The following FANCD2 variants were observed in gnomAD, a reference collection of about 807,000 sequenced individuals.
The protein encoded by FANCD2 is FA complementation group D2, also known as Fanconi anemia group D2 protein.
Under a neutral mutation model 192.3 loss-of-function variants are expected in FANCD2, and 131 were observed. The observed-to-expected ratio is 0.68, with a 90% confidence interval of 0.59 to 0.79. The LOEUF (loss-of-function observed/expected upper bound fraction) is 0.79, where lower values mean the gene tolerates loss of function less well. Ranked by LOEUF, FANCD2 falls within the 30% of genes least tolerant of loss-of-function variation. FANCD2 has a pLI of 0.00. For missense variants in FANCD2, 1,508 were observed against 1,701.6 expected (o/e 0.89, Z 2.00); for synonymous variants, 524 against 612.5 (o/e 0.86, Z 2.13).
At chr3:10,027,515 C>G (rs2086481112) in intron 1 of FANCD2, among the ~76,000 whole-genome samples, 1 of 152,196 alleles carries the variant, frequency 6.6e-6, no homozygotes, top group South Asian at 2.1e-4. Flanking sequence ...TCCACATCTC[C>G]TTGTTTCAGT....
At position 10,033,136 on chromosome 3, in the gene FANCD2, C is replaced by T. The variant is rs566646823; in HGVS notation, c.205+164C>T. Among the ~76,000 whole-genome samples, 39 of 152,246 alleles carry T rather than the reference C, an allele frequency of 2.6e-4. 1 individual carries two copies. The South Asian group carries it at 6.4e-3, about 25-fold the overall frequency. The stretch of plus-strand genomic sequence containing the variant: ...TAGAAAATGGTACAGTCAGGCCGGG[C>T]GCGGTGGCTCACGTTTATCATCCCA... On this transcript the variant is annotated intron_variant, in intron 3 of 43. Transcript: ENST00000675286.
intron 12 of FANCD2, 75 bp downstream of exon 12, chr3:10,043,225 T>G: frequency 9.5e-7 from 1 of 1,050,276 alleles, no homozygotes; most frequent in Admixed American, 1.8e-5. Context: ...TTAATACTAC[T>G]ACAAATAATG....
At chr3:10,047,777 A>C (rs2087066943) in intron 15 of FANCD2, 140 bp from the exon 16 acceptor site, 1 of 976,514 alleles carries the variant, frequency 1.0e-6, no homozygotes, top group South Asian at 1.3e-5. Flanking sequence ...TTTTTGTGTA[A>C]AACAAAGATT....
chr3:10,092,622 G>A (rs536398064), intron 38 of FANCD2, among the ~76,000 whole-genome samples: 4 of 149,000 alleles, frequency 2.7e-5, no homozygotes, highest in African/African-American at 5.0e-5. Context: ...CCACTCCATC[G>A]TGGTTTTGCT....
At chr3:10,059,195 A>T (rs565629003) in intron 18 of FANCD2, among the ~76,000 whole-genome samples, 2 of 151,846 alleles carry the variant, frequency 1.3e-5, no homozygotes, top group South Asian at 4.2e-4. Context: ...TGTATTTTCT[A>T]TAGAGATGAG....
chr3:10,073,485 T>C (rs1437090688), intron 28 of FANCD2, 123 bp downstream of exon 28: 3 of 827,220 alleles, frequency 3.6e-6, no homozygotes, highest in Non-Finnish European at 6.4e-6. Flanking sequence ...CAAAACTCTC[T>C]TAGGCGTTGG....
intron 18 of FANCD2, among the ~76,000 whole-genome samples, chr3:10,054,941 A>C (rs2087365292): frequency 6.6e-6 from 1 of 151,842 alleles, no homozygotes; most frequent in Non-Finnish European, 1.5e-5. Context: ...AATAACTCTC[A>C]CTTCTCAGTT....
chr3:10,098,371 G>A (rs900805412), intron 42 of FANCD2, among the ~76,000 whole-genome samples: 1 of 152,128 alleles, frequency 6.6e-6, no homozygotes, highest in African/African-American at 2.4e-5. Context: ...TTCGTGCTTG[G>A]TGTGATAGTG....
In FANCD2 at chr3:10,101,474, C is replaced by G; in HGVS notation, c.*212C>G. ...AATCTTGGCTCACTGCAACCTCCAT[C>G]TCCTAGGTTCAAGCGATTCTCCTGC... On this transcript the variant is annotated 3_prime_UTR_variant, in exon 44 of 44. Transcript: ENST00000675286. 1.9e-6 allele frequency: 1 copy of G among 514,674 alleles called. No individual in the cohort carries two copies. The highest frequency in any genetic ancestry group is 2.1e-5 in the South Asian group (1 of 47,678). 31.9% of individuals were successfully genotyped at this position (514,674 alleles called of 1,614,324 possible). A position where few individuals can be genotyped will look rare whatever the true frequency, so the allele number is the denominator to read the frequency against.
intron 18 of FANCD2, among the ~76,000 whole-genome samples, chr3:10,055,736 C>T (rs553221389): frequency 7.3e-5 from 11 of 151,718 alleles, no homozygotes; most frequent in East Asian, 5.8e-4. Flanking sequence ...GGCGTGAACC[C>T]GGGATACGGA....
chr3:10,091,401 G>A (rs1490881496), intron 37 of FANCD2, among the ~76,000 whole-genome samples: 4 of 149,224 alleles, frequency 2.7e-5, no homozygotes, highest in Non-Finnish European at 5.9e-5. Flanking sequence ...CAGCCCAGAA[G>A]GCAAAGGCTG....
At chr3:10,100,207 G>A in intron 43 of FANCD2, among the ~76,000 whole-genome samples, 1 of 152,118 alleles carries the variant, frequency 6.6e-6, no homozygotes, top group East Asian at 1.9e-4. Flanking sequence ...TTATTTACAT[G>A]GTCCCCAGTT....
At position 10,032,951 on chromosome 3, in the gene FANCD2, GGA is replaced by G; in HGVS notation, c.190_191del (p.Gln65GlufsTer33). The G allele has an allele frequency of 6.3e-7, 1 of 1,588,526 alleles. No individual in the cohort carries two copies. Among genetic ancestry groups the G allele is most frequent in the Non-Finnish European group, 8.6e-7 (1 of 1,157,016 alleles). On this transcript the variant is annotated frameshift_variant, in exon 3 of 44. Coordinates refer to ENST00000675286, the MANE Select transcript of FANCD2 (RefSeq NM_001018115.3). LOFTEE classifies it high-confidence loss of function. ...GATATCAGGAATTATTCTTAAAACG[GGA>G]GAGAGTCAGAATCAACTAGGTAATA... ...LKISGIILKT[G>X]ESQNQLAVDQ...
chr3:10,083,840 A>T (rs1471909867), intron 32 of FANCD2: 6 of 141,400 alleles, frequency 4.2e-5, no homozygotes, highest in African/African-American at 1.6e-4. Flanking sequence ...GTGAGCCGAG[A>T]TCCCACCACT....
intron 26 of FANCD2, among the ~76,000 whole-genome samples, chr3:10,069,794 C>T (rs1042138983): frequency 7.9e-4 from 120 of 152,262 alleles, no homozygotes; most frequent in African/African-American, 2.6e-3. Flanking sequence ...AGTGCAGTAG[C>T]GTGATCTCGG....
chr3:10,096,563 G>A (rs146039927), intron 42 of FANCD2, 91 bp downstream of exon 42: 14 of 1,213,646 alleles, frequency 1.2e-5, no homozygotes, highest in East Asian at 4.7e-5. Flanking sequence ...CTAAGCCCTC[G>A]TCTCTCAGTA....
rs35721602 is a variant in FANCD2, at chr3:10,036,445, A to G, written c.491+106A>G. 3.3e-5 allele frequency: 28 copies of G among 857,240 alleles called. No homozygotes were observed. The East Asian group carries it at 6.7e-4, about 21-fold the overall frequency. The allele number at this position is 857,240 out of a possible 1,614,324, so 53.1% of individuals were successfully genotyped here. A position where few individuals can be genotyped will look rare whatever the true frequency, so the allele number is the denominator to read the frequency against. On this transcript the variant is annotated intron_variant, in intron 7 of 43. Coordinates refer to ENST00000675286, the MANE Select transcript of FANCD2 (RefSeq NM_001018115.3). ...GGTTTCTCTGAAAGTCATATTTATC[A>G]TTATATTTCTTAAGTGACTACTAAA...
intron 9 of FANCD2, chr3:10,040,685 A>T (rs549386689): frequency 4.4e-4 from 177 of 398,474 alleles, no homozygotes; most frequent in African/African-American, 3.6e-3. Context: ...ATCTTAATGC[A>T]ACTTTTTATT....
intron 14 of FANCD2, among the ~76,000 whole-genome samples, chr3:10,045,205 G>A (rs1293385320): frequency 1.3e-5 from 2 of 151,650 alleles, no homozygotes; most frequent in South Asian, 4.2e-4. Context: ...TTCTCACTCT[G>A]TCACCTAGGC....
Sources: allele counts gnomAD v4.1 joint callset (sites outside exome capture counted in the v4.1 genomes callset), GRCh38; gene constraint gnomAD v4.1.1; transcripts MANE v1.5; gene names NCBI Gene and HGNC (gene_info 2026-07-23, HGNC 2026-07-21).